The following LAMC2 variants were observed in gnomAD, a reference collection of about 807,000 sequenced individuals.
The protein encoded by LAMC2 is laminin subunit gamma-2.
Under a neutral mutation model 140.2 loss-of-function variants are expected in LAMC2, and 97 were observed. That is an observed-to-expected ratio of 0.69 (90% confidence interval 0.59 to 0.82). The LOEUF is 0.82. Ranked by LOEUF, LAMC2 falls within the 40% of genes least tolerant of loss-of-function variation. LAMC2 has a pLI of 0.00. For synonymous variants in LAMC2, 513 were observed against 540.2 expected, an observed-to-expected ratio of 0.95 and a Z score of 0.70; for missense variants, 1,402 against 1,476.1, an observed-to-expected ratio of 0.95 and a Z score of 0.82.
At chr1:183,201,012 T>C (rs1447839797) in intron 1 of LAMC2, among the ~76,000 whole-genome samples, 1 of 152,200 alleles carries the variant, frequency 6.6e-6, no homozygotes, top group Non-Finnish European at 1.5e-5. Context: ...CCGTTTCAGA[T>C]GGGTTTATGT....
At chr1:183,237,245 C>A in intron 17 of LAMC2, 107 bp from the exon 18 acceptor site, 1 of 1,293,284 alleles carries the variant, frequency 7.7e-7, no homozygotes, top group Non-Finnish European at 1.1e-6. Context: ...ATTTTCTTGG[C>A]TTCTTAAGGC....
intron 2 of LAMC2, among the ~76,000 whole-genome samples, chr1:183,211,149 A>T (rs1659056237): frequency 6.6e-6 from 1 of 152,226 alleles, no homozygotes; most frequent in Non-Finnish European, 1.5e-5. Context: ...AAAATGCAGA[A>T]ATTAGGCTTA....
At position 183,228,516 on chromosome 1, in the gene LAMC2, G is replaced by T. The variant is rs763552194; in HGVS notation, c.1611G>T (p.Arg537Ser). 3.7e-6 allele frequency: 6 copies of T among 1,613,850 alleles called. No individual in the cohort carries two copies. The highest frequency in any genetic ancestry group is 5.1e-6 in the Non-Finnish European group (6 of 1,180,036). The part of the protein sequence containing the change: ...ASGNCDRLTG[R>S]CLKCIHNTAG... Reference sequence around the variant, plus strand: ...GGAATTGTGACCGGCTGACAGGCAGGTGTTTGAAGTGTATCCACAACACAG... The same window carrying T: ...GGAATTGTGACCGGCTGACAGGCAGTTGTTTGAAGTGTATCCACAACACAG... The change falls in exon 11 of 23, where the codon AGG (arginine) becomes AGT (serine). Residue 537 changes from arginine (R) to serine (S), a missense_variant. This residue lies in a region of LAMC2 where 723 missense variants were observed against 783.3 expected (regional missense o/e 0.92). Coordinates refer to ENST00000264144, the MANE Select transcript of LAMC2 (RefSeq NM_005562.3). This position sits in a 1 kb window ranked among gnomAD's most constrained non-coding sequence, Gnocchi z 4.3.
In LAMC2 at chr1:183,225,690, C is replaced by G. The variant is rs754799907; in HGVS notation, c.1036C>G (p.Leu346Val). The G allele has an allele frequency of 4.0e-5, 65 of 1,612,796 alleles. No individual in the cohort carries two copies. The highest frequency in any genetic ancestry group is 5.3e-5 in the Non-Finnish European group (62 of 1,178,944). ...YRRLLRNLTA[L>V]RIRATYGEYS... ...AAGGTTACTGCGGAATCTCACAGCCCTCCGCATCCGAGCTACATATGGAGA... is the reference window on the plus strand; with the variant it reads ...AAGGTTACTGCGGAATCTCACAGCCGTCCGCATCCGAGCTACATATGGAGA... Residue 346 changes from leucine to valine, a missense_variant, in exon 8 of 23, where the codon CTC (leucine) becomes GTC (valine). This residue lies in a region of LAMC2 where 723 missense variants were observed against 783.3 expected (regional missense o/e 0.92). Transcript: ENST00000264144.
At chr1:183,221,464 C>T (rs1311295012) in intron 5 of LAMC2, among the ~76,000 whole-genome samples, 1 of 151,910 alleles carries the variant, frequency 6.6e-6, no homozygotes, top group Non-Finnish European at 1.5e-5. Context: ...CGTGGTGGCT[C>T]ACACCTGTAA....
At chr1:183,247,231 GA>G (rs1466541005), downstream of LAMC2, among the ~76,000 whole-genome samples, 5 of 152,178 alleles carry the variant, frequency 3.3e-5, no homozygotes, top group African/African-American at 1.2e-4. Context: ...AGAATCACTT[GA>G]ACCCCGGAGG....
At chr1:183,205,331 A>G (rs1441775592) in intron 1 of LAMC2, among the ~76,000 whole-genome samples, 1 of 152,208 alleles carries the variant, frequency 6.6e-6, no homozygotes, top group African/African-American at 2.4e-5. Context: ...TGTGTGGCAC[A>G]TCTGTTGGAG....
chr1:183,215,836 G>C (rs1659236491), intron 3 of LAMC2, among the ~76,000 whole-genome samples: 1 of 152,194 alleles, frequency 6.6e-6, no homozygotes, highest in Non-Finnish European at 1.5e-5. Context: ...GGTGAGGCTG[G>C]ACCTAATACT....
chr1:183,237,463 G>A lies in LAMC2; in HGVS notation c.2713G>A (p.Glu905Lys). 1 of 1,614,178 alleles carries A rather than the reference G, an allele frequency of 6.2e-7. No homozygotes were observed. The highest frequency in any genetic ancestry group is 8.5e-7 in the Non-Finnish European group (1 of 1,180,008). Reference sequence around the variant, plus strand: ...GAAGAATCTGGGAAACTGGAAAGAAGAAGCACAGCAGCTCTTACAGAATGG... The same window carrying A: ...GAAGAATCTGGGAAACTGGAAAGAAAAAGCACAGCAGCTCTTACAGAATGG... Reference protein sequence around the residue: ...TQKNLGNWKEEAQQLLQNGKS... With the variant: ...TQKNLGNWKEKAQQLLQNGKS... Residue 905 changes from glutamate to lysine, a missense_variant, in exon 18 of 23, where the codon GAA (glutamate) becomes AAA (lysine). Glu to Lys is a moderately conservative substitution (Grantham distance 56, BLOSUM62 1). This residue lies in a region of LAMC2 where 670 missense variants were observed against 667.2 expected (regional missense o/e 1.00). Transcript: ENST00000264144.
At position 183,232,177 on chromosome 1, in the gene LAMC2, G is replaced by A. The variant is rs750457723; in HGVS notation, c.1858-10G>A. 16 of 1,613,414 alleles carry A rather than the reference G, an allele frequency of 9.9e-6. No individual in the cohort carries two copies. In the East Asian group the frequency reaches 1.6e-4, roughly 16 times the overall value. ...CCACCCTCGTTCTGATCTTTCCTGTGTGGTTTCAGATGGATCAGTTTATGC... is the reference window on the plus strand; with the variant it reads ...CCACCCTCGTTCTGATCTTTCCTGTATGGTTTCAGATGGATCAGTTTATGC... On this transcript the variant is annotated splice_polypyrimidine_tract_variant and intron_variant, in intron 12 of 22. Coordinates refer to ENST00000264144, the MANE Select transcript of LAMC2 (RefSeq NM_005562.3).
At chr1:183,198,981 C>T (rs1658614794) in intron 1 of LAMC2, among the ~76,000 whole-genome samples, 1 of 151,844 alleles carries the variant, frequency 6.6e-6, no homozygotes, top group South Asian at 2.1e-4. Flanking sequence ...AGTTTTTTTA[C>T]ACTGAATGTC....
At chr1:183,213,979 C>T (rs999296817) in intron 2 of LAMC2, among the ~76,000 whole-genome samples, 7 of 151,530 alleles carry the variant, frequency 4.6e-5, no homozygotes, top group South Asian at 2.1e-4. Flanking sequence ...GCAGGAGAAT[C>T]GCTTGAACCC....
chr1:183,199,647 G>A (rs928263162), intron 1 of LAMC2, among the ~76,000 whole-genome samples: 1 of 152,232 alleles, frequency 6.6e-6, no homozygotes, highest in Non-Finnish European at 1.5e-5. Flanking sequence ...AAACAGTGAT[G>A]ACACAGGATA....
At chr1:183,224,858 T>C (rs928567104) in intron 7 of LAMC2, among the ~76,000 whole-genome samples, 3 of 152,206 alleles carry the variant, frequency 2.0e-5, no homozygotes, top group Admixed American at 1.3e-4. Context: ...ACTCTGTGCA[T>C]GCATCTGTTA....
chr1:183,228,583 G>C lies in LAMC2; in HGVS notation c.1678G>C (p.Asp560His). Residue 560 changes from aspartate to histidine, a missense_variant, in exon 11 of 23, where the codon GAC becomes CAC. Around this residue, in one of 3 missense-constraint regions of LAMC2, gnomAD observed 723 missense variants for 783.3 expected, o/e 0.92. Coordinates refer to ENST00000264144, the MANE Select transcript of LAMC2 (RefSeq NM_005562.3). The surrounding 1 kb of genome is among the most constrained non-coding windows in gnomAD (Gnocchi z 4.3). ...CDQCKAGYFG[D>H]PLAPNPADKC... ...CCAGTGCAAAGCAGGCTACTTCGGGGACCCATTGGCTCCCAACCCAGCAGA... is the reference window on the plus strand; with the variant it reads ...CCAGTGCAAAGCAGGCTACTTCGGGCACCCATTGGCTCCCAACCCAGCAGA... 6.2e-7 allele frequency: 1 copy of C among 1,614,032 alleles called. No individual in the cohort carries two copies. Among genetic ancestry groups the C allele is most frequent in the Admixed American group, 1.7e-5 (1 of 60,016 alleles).
chr1:183,245,943 G>A (rs1660232804), downstream of LAMC2, among the ~76,000 whole-genome samples: 1 of 152,206 alleles, frequency 6.6e-6, no homozygotes, highest in African/African-American at 2.4e-5. Flanking sequence ...GCCGAAATGG[G>A]CGGATCACGA....
intron 2 of LAMC2, among the ~76,000 whole-genome samples, 171 bp downstream of exon 2, chr1:183,208,240 C>A (rs992218466): frequency 6.6e-6 from 1 of 152,132 alleles, no homozygotes; most frequent in Non-Finnish European, 1.5e-5. Flanking sequence ...CAACTGGGAA[C>A]CTACCAGACA....
the LAMC2 span, among the ~76,000 whole-genome samples, chr1:183,253,904 C>CGTGTGTGTGTGTGTGTGT: frequency 3.5e-5 from 5 of 144,270 alleles, no homozygotes; most frequent in Non-Finnish European, 6.1e-5. Context: ...GTTCCACTTC[C>CGTGTGTGTGTGTGTGTGT]GTGTGTGTGT....
In LAMC2 at chr1:183,220,872, G is replaced by A; in HGVS notation, c.551G>A (p.Cys184Tyr). The A allele has an allele frequency of 6.2e-7, 1 of 1,613,870 alleles. No individual in the cohort carries two copies. Among genetic ancestry groups the A allele is most frequent in the Non-Finnish European group, 8.5e-7 (1 of 1,179,730 alleles). ...YNLDGGNPEG[C>Y]TQCFCYGHSA... ...CTGGATGGGGGGAACCCTGAGGGCTGTACCCAGTGTTTCTGCTATGGGCAT... is the reference window on the plus strand; with the variant it reads ...CTGGATGGGGGGAACCCTGAGGGCTATACCCAGTGTTTCTGCTATGGGCAT... The change falls in exon 5 of 23, where the codon TGT becomes TAT. Residue 184 changes from cysteine to tyrosine, a missense_variant. By Grantham distance (194) the Cys-to-Tyr change is radical. Transcript: ENST00000264144.
Sources: gnomAD v4.1 joint callset for allele counts (sites outside exome capture counted in the v4.1 genomes callset) on GRCh38, gnomAD v4.1.1 for gene constraint, gnomAD v4.1.1 regional missense constraint, Gnocchi (gnomAD v3.1) non-coding constraint, MANE v1.5 for transcripts, NCBI Gene and HGNC (gene_info 2026-07-23, HGNC 2026-07-21) for gene names.